ADGRB1: variants seen among roughly 807,000 people sequenced by gnomAD.
The protein encoded by ADGRB1 is adhesion G protein-coupled receptor B1.
ADGRB1 carries 36 observed loss-of-function variants against 175.7 expected under a neutral mutation model. That is an observed-to-expected ratio of 0.20 (90% CI 0.16 to 0.27). ADGRB1 has a LOEUF of 0.27. ADGRB1 is among the 10% of genes least tolerant of loss of function. The pLI, the probability that ADGRB1 is intolerant of heterozygous loss-of-function variation, is 1.00. For synonymous variants in ADGRB1, 1,054 were observed against 979.4 expected (o/e 1.08, Z -1.42); for missense variants, 1,731 against 2,255.3 (o/e 0.77, Z 4.71).
At chr8:142,517,762 G>A (rs770028666) in intron 18 of ADGRB1, among the ~76,000 whole-genome samples, 23 of 152,316 alleles carry the variant, frequency 1.5e-4, no homozygotes, top group South Asian at 1.2e-3. Flanking sequence ...AGAGGACTGT[G>A]CGTGTGGGTG....
At position 142,510,578 on chromosome 8, in the gene ADGRB1, C is replaced by T. The variant is rs967301818; in HGVS notation, c.2676-354C>T. Among the ~76,000 whole-genome samples, 1 of 147,866 alleles carries T rather than the reference C, an allele frequency of 6.8e-6. No individual in the cohort carries two copies. Among genetic ancestry groups the T allele is most frequent in the African/African-American group, 2.4e-5 (1 of 41,000 alleles). On this transcript the variant is annotated intron_variant, in intron 17 of 30. Transcript: ENST00000517894. The surrounding 1 kb of genome is among the most constrained non-coding windows in gnomAD (Gnocchi z 6.3). ...TTCCCGCGCGGGCCGGGGGCGCGGGCCCCGGAGGAGCTGGGGGCGGCGGGG... is the reference window on the plus strand; with the variant it reads ...TTCCCGCGCGGGCCGGGGGCGCGGGTCCCGGAGGAGCTGGGGGCGGCGGGG...
chr8:142,467,805 G>C (rs997810410), intron 2 of ADGRB1, among the ~76,000 whole-genome samples: 1 of 152,326 alleles, frequency 6.6e-6, no homozygotes, highest in Non-Finnish European at 1.5e-5. Flanking sequence ...AAAACAGGAA[G>C]GGTAAAAATA....
At chr8:142,497,323 T>C (rs968559760) in intron 17 of ADGRB1, among the ~76,000 whole-genome samples, 1 of 151,970 alleles carries the variant, frequency 6.6e-6, no homozygotes, top group Non-Finnish European at 1.5e-5. Context: ...TTTAAGAGCC[T>C]CTCCCTCACC....
At chr8:142,481,416 G>A (rs927889029) in intron 10 of ADGRB1, 56 bp downstream of exon 10, 3 of 1,605,280 alleles carry the variant, frequency 1.9e-6, no homozygotes, top group Non-Finnish European at 2.6e-6. Flanking sequence ...TGGCCACACA[G>A]GTTGGGACCC....
intron 24 of ADGRB1, among the ~76,000 whole-genome samples, chr8:142,532,382 G>T (rs1340134278): frequency 6.6e-6 from 1 of 152,246 alleles, no homozygotes; most frequent in Non-Finnish European, 1.5e-5. Context: ...TGGATGTGGG[G>T]AGGGGCCCAG....
At position 142,542,771 on chromosome 8, in the gene ADGRB1, C is replaced by T. The variant is rs969177116; in HGVS notation, c.4413+124C>T. ...GCGGGCTGGCTCTGCCTCCTAGCTACACCCCCCACCCCTGGCCCTGCTGGG... is the reference window on the plus strand; with the variant it reads ...GCGGGCTGGCTCTGCCTCCTAGCTATACCCCCCACCCCTGGCCCTGCTGGG... On this transcript the variant is annotated intron_variant, in intron 28 of 30. Transcript: ENST00000517894. The surrounding 1 kb of genome is among the most constrained non-coding windows in gnomAD (Gnocchi z 6.3). 4 of 849,918 alleles carry T rather than the reference C, an allele frequency of 4.7e-6. No homozygotes were observed. The highest frequency in any genetic ancestry group is 6.3e-5 in the East Asian group (2 of 31,888). The allele number at this position is 849,918 out of a possible 1,614,324, so 52.6% of individuals were successfully genotyped here. A position where few individuals can be genotyped will look rare whatever the true frequency, so the allele number is the denominator to read the frequency against.
chr8:142,526,673 C>A (rs1275756542), intron 24 of ADGRB1, 46 bp downstream of exon 24: 3 of 1,550,114 alleles, frequency 1.9e-6, no homozygotes, highest in Non-Finnish European at 2.6e-6. Flanking sequence ...GAGTGCAAGA[C>A]CCAGAGCCCA....
rs766591291 is a variant in ADGRB1, at chr8:142,464,547, G to A, written c.349G>A (p.Val117Met). The change falls in exon 2 of 31, where the codon GTG (valine) becomes ATG (methionine). Residue 117 changes from valine to methionine, a missense_variant. Physicochemically the swap from Val to Met is conservative, Grantham distance 21. Transcript: ENST00000517894. ...FLESTRTYLGVESFDEVLRLC... is the reference protein window; with the variant it reads ...FLESTRTYLGMESFDEVLRLC... The stretch of plus-strand genomic sequence containing the variant: ...CGAGTCCACGCGCACCTACCTGGGC[G>A]TGGAGAGCTTCGACGAGGTGCTGCG... The A allele has an allele frequency of 6.4e-7, 1 of 1,559,558 alleles. No homozygotes were observed. The highest frequency in any genetic ancestry group is 8.7e-7 in the Non-Finnish European group (1 of 1,155,338).
In ADGRB1 at chr8:142,544,378, G is replaced by T; in HGVS notation, c.4716G>T (p.Leu1572=). 1 of 1,528,962 alleles carries T rather than the reference G, an allele frequency of 6.5e-7. No individual in the cohort carries two copies. Among genetic ancestry groups the T allele is most frequent in the Non-Finnish European group, 8.8e-7 (1 of 1,135,972 alleles). 94.7% of individuals were successfully genotyped at this position (1,528,962 alleles called of 1,614,324 possible). A position where few individuals can be genotyped will look rare whatever the true frequency, so the allele number is the denominator to read the frequency against. ...AGAGGTCGGGCGCCACGATCCCGCTGGTGGGCCAGGACATCATCGACCTCC... is the reference window on the plus strand; with the variant it reads ...AGAGGTCGGGCGCCACGATCCCGCTTGTGGGCCAGGACATCATCGACCTCC... The part of the protein sequence containing the change: ...EWERSGATIP[L]VGQDIIDLQT... Residue 1572 remains leucine (L), a synonymous_variant, in exon 31 of 31, where the codon CTG becomes CTT. Transcript: ENST00000517894.
intron 25 of ADGRB1, among the ~76,000 whole-genome samples, chr8:142,534,719 G>A (rs1419504017): frequency 6.6e-6 from 1 of 152,200 alleles, no homozygotes; most frequent in Non-Finnish European, 1.5e-5. Context: ...AACCAGACAA[G>A]CAGGAAAACA....
At chr8:142,451,965 A>G (rs1839377022) in intron 1 of ADGRB1, among the ~76,000 whole-genome samples, 2 of 152,124 alleles carry the variant, frequency 1.3e-5, no homozygotes, top group Non-Finnish European at 2.9e-5. Context: ...AAGGTCAAGC[A>G]GGCGAAGGAG....
At position 142,542,463 on chromosome 8, in the gene ADGRB1, A is replaced by G. The variant is rs1428232920; in HGVS notation, c.4229A>G (p.Gln1410Arg). 4.0e-6 allele frequency: 3 copies of G among 745,318 alleles called. No individual in the cohort carries two copies. In the African/African-American group the frequency reaches 1.3e-4, roughly 32 times the overall value. 46.2% of individuals were successfully genotyped at this position (745,318 alleles called of 1,614,324 possible). The change falls in exon 28 of 31, where the codon CAG becomes CGG. Residue 1410 changes from glutamine (Q) to arginine (R), a missense_variant. By Grantham distance (43) the Gln-to-Arg change is conservative. Transcript: ENST00000517894. This position sits in a 1 kb window ranked among gnomAD's most constrained non-coding sequence, Gnocchi z 6.3. Reference sequence around the variant, plus strand: ...GGGCCCCCCGAGGCACCCCCTGCCCAGCCCCCACCGCCTCCGCCCCCACCG... The same window carrying G: ...GGGCCCCCCGAGGCACCCCCTGCCCGGCCCCCACCGCCTCCGCCCCCACCG... ...SGGPPEAPPA[Q>R]PPPPPPPPPP...
intron 7 of ADGRB1, 37 bp from the exon 8 acceptor site, chr8:142,479,286 T>C (rs1457278511): frequency 1.4e-6 from 2 of 1,454,480 alleles, no homozygotes; most frequent in African/African-American, 1.4e-5. Flanking sequence ...CCTGCCCTTC[T>C]TGTCGCCTGT....
chr8:142,462,148 G>A (rs1840002224), intron 1 of ADGRB1, among the ~76,000 whole-genome samples: 1 of 152,138 alleles, frequency 6.6e-6, no homozygotes, highest in Admixed American at 6.5e-5. Flanking sequence ...TGCCACGAAT[G>A]CGCCAGGATG....
At chr8:142,535,202 T>C (rs979996489) in intron 25 of ADGRB1, among the ~76,000 whole-genome samples, 2 of 152,066 alleles carry the variant, frequency 1.3e-5, no homozygotes. Context: ...AACTGACCGG[T>C]GACGGGAGCT....
Position 142,544,561 on chromosome 8 carries a change from C to G in ADGRB1, c.*144C>G, listed in dbSNP as rs898127403. On this transcript the variant is annotated 3_prime_UTR_variant, in exon 31 of 31. Transcript: ENST00000517894. ...AGGGCGCTCAGACGGCGGCCAGGCACAGGGCCCGCAGTGCTGGGACCAGAG... is the reference window on the plus strand; with the variant it reads ...AGGGCGCTCAGACGGCGGCCAGGCAGAGGGCCCGCAGTGCTGGGACCAGAG... 2.1e-6 allele frequency: 2 copies of G among 970,752 alleles called. 1 individual carries two copies. The highest frequency in any genetic ancestry group is 4.2e-5 in the South Asian group (2 of 47,192). 60.1% of individuals were successfully genotyped at this position (970,752 alleles called of 1,614,324 possible). A position where few individuals can be genotyped will look rare whatever the true frequency, so the allele number is the denominator to read the frequency against.
At chr8:142,506,634 C>A (rs1397506892) in intron 17 of ADGRB1, among the ~76,000 whole-genome samples, 1 of 152,220 alleles carries the variant, frequency 6.6e-6, no homozygotes, top group African/African-American at 2.4e-5. Flanking sequence ...GGAACAGGTG[C>A]CCCCTGCAGC....
In ADGRB1 at chr8:142,511,172, T is replaced by C. The variant is rs1029915823; in HGVS notation, c.2817+99T>C. The C allele has an allele frequency of 4.4e-4, 413 of 933,248 alleles. No homozygotes were observed. The African/African-American group carries it at 7.0e-3, about 16-fold the overall frequency. The allele number at this position is 933,248 out of a possible 1,614,324, so 57.8% of individuals were successfully genotyped here. A position where few individuals can be genotyped will look rare whatever the true frequency, so the allele number is the denominator to read the frequency against. On this transcript the variant is annotated intron_variant, in intron 18 of 30. Transcript: ENST00000517894. The surrounding 1 kb of genome is among the most constrained non-coding windows in gnomAD (Gnocchi z 4.5). ...GTGGGGAGGGCCCGCACCCGTCCTGTCCCGGAGGGGTCGCTGTGGCCCGCA... is the reference window on the plus strand; with the variant it reads ...GTGGGGAGGGCCCGCACCCGTCCTGCCCCGGAGGGGTCGCTGTGGCCCGCA...
At chr8:142,513,124 C>T (rs892412454) in intron 18 of ADGRB1, among the ~76,000 whole-genome samples, 2 of 152,212 alleles carry the variant, frequency 1.3e-5, no homozygotes. Flanking sequence ...GGTGCCCTGT[C>T]CCCCATCCCA....
Sources: allele counts gnomAD v4.1 joint callset (sites outside exome capture counted in the v4.1 genomes callset), GRCh38; gene constraint gnomAD v4.1.1; non-coding constraint Gnocchi (gnomAD v3.1); transcripts MANE v1.5; gene names NCBI Gene and HGNC (gene_info 2026-07-23, HGNC 2026-07-21).